The following ELL variants were observed in gnomAD, a reference collection of about 807,000 sequenced individuals.
ELL encodes the protein RNA polymerase II elongation factor ELL.
ELL carries 18 observed loss-of-function variants against 64.0 expected under a neutral mutation model. The ratio of observed to expected loss-of-function variants is 0.28; its 90% CI spans 0.19 to 0.42. ELL has a LOEUF of 0.42. Among genes scored for constraint, ELL ranks in the 10% least tolerant of loss-of-function variants. The pLI, the probability that ELL is intolerant of heterozygous loss-of-function variation, is 1.00. For missense variants in ELL, 797 were observed against 870.4 expected, an observed-to-expected ratio of 0.92 and a Z score of 1.06; for synonymous variants, 399 against 376.2, an observed-to-expected ratio of 1.06 and a Z score of -0.70.
At chr19:18,459,287 T>A (rs951183011) in intron 5 of ELL, among the ~76,000 whole-genome samples, 2 of 152,214 alleles carry the variant, frequency 1.3e-5, no homozygotes, top group Non-Finnish European at 2.9e-5. Context: ...ACAACCAGCC[T>A]GCCTTGCTGT....
chr19:18,480,442 C>A (rs1975275353), intron 1 of ELL, among the ~76,000 whole-genome samples: 1 of 152,202 alleles, frequency 6.6e-6, no homozygotes, highest in South Asian at 2.1e-4. Flanking sequence ...GTGGACCTCA[C>A]TGGTTCCAGC....
intron 1 of ELL, among the ~76,000 whole-genome samples, chr19:18,511,220 T>C (rs1473599040): frequency 1.3e-5 from 2 of 148,446 alleles, no homozygotes; most frequent in East Asian, 2.0e-4. Flanking sequence ...TGAGCTGAGA[T>C]AGCACCACTG....
chr19:18,446,372 C>A lies in ELL; in HGVS notation c.1641G>T (p.Thr547=). 3 of 1,609,744 alleles carry A rather than the reference C, an allele frequency of 1.9e-6. No individual in the cohort carries two copies. The highest frequency in any genetic ancestry group is 2.5e-6 in the Non-Finnish European group (3 of 1,179,120). ...RDLHARIERI[T]RRFTQLDAQL... ...GGGCGTCGAGCTGGGTGAACCGCCG[C>A]GTGATGCGCTCAATGCGGGCGTGCA... The change falls in exon 10 of 12, where the codon ACG becomes ACT. Residue 547 remains threonine, a synonymous_variant. Transcript: ENST00000262809.
intron 1 of ELL, among the ~76,000 whole-genome samples, chr19:18,489,494 C>G (rs550041003): frequency 5.1e-4 from 77 of 152,292 alleles, no homozygotes; most frequent in Middle Eastern, 3.4e-3. Flanking sequence ...CTGCTGCCAT[C>G]CAAGACCTGA....
chr19:18,519,036 C>T (rs895069464), intron 1 of ELL, among the ~76,000 whole-genome samples: 3 of 151,972 alleles, frequency 2.0e-5, no homozygotes, highest in African/African-American at 4.8e-5. Flanking sequence ...GCCCCTGCCA[C>T]ACCTGAATTT....
intron 1 of ELL, among the ~76,000 whole-genome samples, chr19:18,498,367 G>A (rs147543123): frequency 5.3e-5 from 8 of 152,282 alleles, no homozygotes; most frequent in East Asian, 1.9e-4. Flanking sequence ...AGGACCTGAC[G>A]GGACCCTAGG....
intron 1 of ELL, among the ~76,000 whole-genome samples, chr19:18,520,934 T>C (rs1173329752): frequency 6.6e-6 from 1 of 151,530 alleles, no homozygotes; most frequent in African/African-American, 2.4e-5. Flanking sequence ...GGGGGGGCCA[T>C]GACACAAACA....
chr19:18,475,856 T>C (rs1016397400), intron 1 of ELL: 56 of 152,330 alleles, frequency 3.7e-4, no homozygotes, highest in African/African-American at 1.2e-3. Flanking sequence ...CCTTCCCAAC[T>C]GCCCTTGAGC....
rs1974353138 is a variant in ELL at position 18,444,010 on chromosome 19, C to G, written c.*742G>C. 1 of 232,348 alleles carries G rather than the reference C, an allele frequency of 4.3e-6. No homozygotes were observed. The highest frequency in any genetic ancestry group is 2.2e-5 in the African/African-American group (1 of 45,420). The allele number at this position is 232,348 out of a possible 1,614,324, so 14.4% of individuals were successfully genotyped here. On this transcript the variant is annotated 3_prime_UTR_variant, in exon 12 of 12. Coordinates refer to ENST00000262809, the MANE Select transcript of ELL (RefSeq NM_006532.4). ...AGCACAGAAACACAGTGGCCCCCGA[C>G]AGCTGAGGGCCTGAAATAGCAGGGC...
chr19:18,446,252 A>G, intron 10 of ELL, 57 bp downstream of exon 10: 1 of 1,474,580 alleles, frequency 6.8e-7, no homozygotes, highest in Admixed American at 2.5e-5. Context: ...GTGCGCGCCC[A>G]AGTGGGCCCT....
chr19:18,521,431 G>A (rs1051354834), intron 1 of ELL, among the ~76,000 whole-genome samples: 1 of 151,814 alleles, frequency 6.6e-6, no homozygotes, highest in Admixed American at 6.6e-5. Context: ...ACCACCCCCT[G>A]CCGGGCACCC....
chr19:18,458,924 T>C (rs1365783610), intron 5 of ELL, among the ~76,000 whole-genome samples: 2 of 151,354 alleles, frequency 1.3e-5, no homozygotes, highest in African/African-American at 4.8e-5. Flanking sequence ...CTGGCTCCTA[T>C]TTCTTCCAGG....
At position 18,443,872 on chromosome 19, in the gene ELL, C is replaced by A. The variant is rs1974347783; in HGVS notation, c.*880G>T. 8.6e-6 allele frequency: 2 copies of A among 232,996 alleles called. No individual in the cohort carries two copies. The highest frequency in any genetic ancestry group is 1.7e-5 in the Non-Finnish European group (2 of 117,890). The allele number at this position is 232,996 out of a possible 1,614,324, so 14.4% of individuals were successfully genotyped here. A position where few individuals can be genotyped will look rare whatever the true frequency, so the allele number is the denominator to read the frequency against. Reference sequence around the variant, plus strand: ...CAGAGGGACGGAGGGAGGCCAGCAGCATCGAGACCACAAGGTCTCAACAGT... The same window carrying A: ...CAGAGGGACGGAGGGAGGCCAGCAGAATCGAGACCACAAGGTCTCAACAGT... On this transcript the variant is annotated 3_prime_UTR_variant, in exon 12 of 12. Coordinates refer to ENST00000262809, the MANE Select transcript of ELL (RefSeq NM_006532.4).
chr19:18,453,195 A>G (rs1448530024), intron 6 of ELL, among the ~76,000 whole-genome samples: 1 of 152,144 alleles, frequency 6.6e-6, no homozygotes, highest in Non-Finnish European at 1.5e-5. Context: ...AATCACTTGA[A>G]CCCGGGAGGC....
chr19:18,446,019 T>C, intron 10 of ELL: 1 of 425,712 alleles, frequency 2.3e-6, no homozygotes, highest in East Asian at 4.3e-5. Context: ...CGCTCAAACA[T>C]GTGGGGATCC....
chr19:18,502,273 AG>A (rs1975795034), intron 1 of ELL, among the ~76,000 whole-genome samples: 1 of 152,120 alleles, frequency 6.6e-6, no homozygotes, highest in Non-Finnish European at 1.5e-5. Context: ...TGACCACCCT[AG>A]GGTGGACCAT....
intron 1 of ELL, among the ~76,000 whole-genome samples, chr19:18,502,030 T>C (rs1469418579): frequency 6.6e-6 from 1 of 152,280 alleles, no homozygotes; most frequent in Admixed American, 6.5e-5. Flanking sequence ...CAGAGGCTGC[T>C]GGAGTGCGTC....
At chr19:18,474,525 C>T (rs1195038393) in intron 1 of ELL, among the ~76,000 whole-genome samples, 7 of 152,246 alleles carry the variant, frequency 4.6e-5, no homozygotes, top group African/African-American at 1.4e-4. Context: ...ACACGCCACC[C>T]CTCAACAAAT....
intron 6 of ELL, among the ~76,000 whole-genome samples, chr19:18,453,768 A>C (rs1238404587): frequency 6.6e-6 from 1 of 152,064 alleles, no homozygotes; most frequent in Non-Finnish European, 1.5e-5. Flanking sequence ...TATGTTGCCC[A>C]GGCTTGTCTA....
Sources: allele counts gnomAD v4.1 joint callset (sites outside exome capture counted in the v4.1 genomes callset), GRCh38; gene constraint gnomAD v4.1.1; transcripts MANE v1.5; gene names NCBI Gene and HGNC (gene_info 2026-07-23, HGNC 2026-07-21).